PAPPA2: variants seen among roughly 807,000 people sequenced by gnomAD.
PAPPA2 encodes the protein pappalysin 2.
In PAPPA2, 86 loss-of-function variants were observed where a neutral mutation model predicts 176.4. That is an observed-to-expected ratio of 0.49 (90% CI 0.41 to 0.58). PAPPA2 has a LOEUF of 0.58. Among genes scored for constraint, PAPPA2 ranks in the 20% least tolerant of loss-of-function variants. The pLI, the probability that PAPPA2 is intolerant of heterozygous loss-of-function variation, is 0.00. For missense variants in PAPPA2, 2,073 were observed against 2,256.9 expected (o/e 0.92, Z 1.65); for synonymous variants, 809 against 852.2 (o/e 0.95, Z 0.88).
intron 21 of PAPPA2, among the ~76,000 whole-genome samples, chr1:176,821,085 C>T (rs529869207): frequency 1.3e-5 from 2 of 152,268 alleles, no homozygotes; most frequent in Non-Finnish European, 2.9e-5. Flanking sequence ...CAACTTACAC[C>T]ATGGTTACAA....
intron 12 of PAPPA2, among the ~76,000 whole-genome samples, chr1:176,716,910 CACA>C (rs759694680): frequency 6.0e-4 from 92 of 152,136 alleles, no homozygotes; most frequent in Non-Finnish European, 6.8e-4. Flanking sequence ...TGCGCCCGGC[CACA>C]ACAATTCCAT....
chr1:176,692,503 G>GA (rs1660165034), intron 6 of PAPPA2, among the ~76,000 whole-genome samples, 185 bp downstream of exon 6: 7 of 152,332 alleles, frequency 4.6e-5, no homozygotes, highest in Non-Finnish European at 8.8e-5. Context: ...GGGCTCTCTT[G>GA]TGAGCCAGTG....
At chr1:176,616,394 G>C (rs1655260352) in intron 3 of PAPPA2, 1 of 604,054 alleles carries the variant, frequency 1.7e-6, no homozygotes, top group Admixed American at 2.0e-5. Context: ...TTTGTCCTAT[G>C]AATTGTACTG....
At chr1:176,690,022 A>T in intron 4 of PAPPA2, 115 bp from the exon 5 acceptor site, 1 of 964,476 alleles carries the variant, frequency 1.0e-6, no homozygotes, top group Middle Eastern at 2.2e-4. Flanking sequence ...AGAAGTTATA[A>T]AGTGACTCCT....
chr1:176,668,136 T>C (rs1356884527), intron 3 of PAPPA2, among the ~76,000 whole-genome samples: 2 of 152,158 alleles, frequency 1.3e-5, no homozygotes, highest in Non-Finnish European at 2.9e-5. Flanking sequence ...ACTAACAAGC[T>C]TGAGCAATGG....
At chr1:176,730,228 C>T (rs1662072254) in intron 12 of PAPPA2, among the ~76,000 whole-genome samples, 1 of 151,852 alleles carries the variant, frequency 6.6e-6, no homozygotes, top group African/African-American at 2.4e-5. Flanking sequence ...GCAGAGCCTA[C>T]CTGTAAAACC....
At chr1:176,594,124 C>G (rs10913213) in intron 2 of PAPPA2, among the ~76,000 whole-genome samples, 48,517 of 152,120 alleles carry the variant, frequency 0.32, 8,137 homozygotes, top group South Asian at 0.44. Context: ...TATGACTACT[C>G]TCATGGCTTC....
intron 21 of PAPPA2, among the ~76,000 whole-genome samples, chr1:176,804,377 G>A (rs920644275): frequency 1.1e-4 from 17 of 152,196 alleles, no homozygotes; most frequent in African/African-American, 4.1e-4. Flanking sequence ...GTCACGACTG[G>A]GCGAATGGGA....
intron 2 of PAPPA2, among the ~76,000 whole-genome samples, chr1:176,563,260 T>C (rs1651774400): frequency 6.6e-6 from 1 of 152,204 alleles, no homozygotes; most frequent in Admixed American, 6.5e-5. Context: ...ATTCTGTTTT[T>C]GCTGCCTACT....
Position 176,635,662 on chromosome 1 carries a change from C to G in PAPPA2, c.1992-35308C>G, listed in dbSNP as rs187906279. On this transcript the variant is annotated intron_variant, in intron 3 of 22. Transcript: ENST00000367662. Reference sequence around the variant, plus strand: ...ACTCAACTTTCCTTGTTCCCTTTGGCTTGGAAATTAATTCTTCCTGGATTT... The same window carrying G: ...ACTCAACTTTCCTTGTTCCCTTTGGGTTGGAAATTAATTCTTCCTGGATTT... Among the ~76,000 whole-genome samples, 67 of 152,226 alleles carry G rather than the reference C, an allele frequency of 4.4e-4. 1 individual carries two copies. The highest frequency in any genetic ancestry group is 9.1e-4 in the Non-Finnish European group (62 of 68,004).
intron 21 of PAPPA2, among the ~76,000 whole-genome samples, chr1:176,820,017 G>C (rs1180082937): frequency 6.6e-6 from 1 of 152,138 alleles, no homozygotes; most frequent in Non-Finnish European, 1.5e-5. Context: ...CTCCTCTTGG[G>C]AGGATGCCCA....
intron 1 of PAPPA2, among the ~76,000 whole-genome samples, chr1:176,504,832 C>T (rs1648165275): frequency 6.6e-6 from 1 of 152,112 alleles, no homozygotes; most frequent in Non-Finnish European, 1.5e-5. Flanking sequence ...TACCATAGAA[C>T]TGTTTATGTC....
intron 20 of PAPPA2, among the ~76,000 whole-genome samples, chr1:176,797,520 G>A (rs1336036571): frequency 1.3e-5 from 2 of 152,002 alleles, no homozygotes; most frequent in African/African-American, 2.4e-5. Context: ...TATGATACAT[G>A]CCTGTAGTTT....
chr1:176,729,013 C>T (rs1164342099), intron 12 of PAPPA2, among the ~76,000 whole-genome samples: 1 of 151,916 alleles, frequency 6.6e-6, no homozygotes, highest in Admixed American at 6.6e-5. Context: ...TGGGGTATAG[C>T]ATCCTTTACA....
At chr1:176,601,282 A>G (rs1654305520) in intron 3 of PAPPA2, among the ~76,000 whole-genome samples, 1 of 152,076 alleles carries the variant, frequency 6.6e-6, no homozygotes, top group Non-Finnish European at 1.5e-5. Context: ...AGCCTCCAGA[A>G]CTGCAGGAAA....
At chr1:176,782,684 T>C (rs1320185471) in intron 17 of PAPPA2, among the ~76,000 whole-genome samples, 2 of 152,064 alleles carry the variant, frequency 1.3e-5, no homozygotes, top group Admixed American at 1.3e-4. Flanking sequence ...TTGGAGAAAA[T>C]GGAACCAGAA....
chr1:176,784,929 AG>A (rs1259688266), intron 17 of PAPPA2, among the ~76,000 whole-genome samples: 3 of 152,142 alleles, frequency 2.0e-5, no homozygotes, highest in Non-Finnish European at 4.4e-5. Flanking sequence ...CAGAGCACAG[AG>A]AGGGCAAGCT....
intron 12 of PAPPA2, among the ~76,000 whole-genome samples, chr1:176,716,231 CTTTTTT>C (rs371904164): frequency 3.8e-5 from 5 of 133,234 alleles, no homozygotes; most frequent in Non-Finnish European, 8.0e-5. Flanking sequence ...TAACCTCTTT[CTTTTTT>C]TTTTTTTTTT....
chr1:176,615,382 C>G (rs1655144414), intron 3 of PAPPA2, among the ~76,000 whole-genome samples: 2 of 152,242 alleles, frequency 1.3e-5, no homozygotes, highest in African/African-American at 4.8e-5. Context: ...GCCATCTCGG[C>G]TCGCTGCAAG....
Sources: allele counts gnomAD v4.1 joint callset (sites outside exome capture counted in the v4.1 genomes callset), GRCh38; gene constraint gnomAD v4.1.1; transcripts MANE v1.5; gene names NCBI Gene and HGNC (gene_info 2026-07-23, HGNC 2026-07-21).